Variants in CYP27A1 observed in about 807,000 individuals in gnomAD.
The protein encoded by CYP27A1 is cytochrome P450 family 27 subfamily A member 1.
Under a neutral mutation model 58.2 loss-of-function variants are expected in CYP27A1, and 46 were observed. The observed-to-expected ratio is 0.79, with a 90% CI of 0.62 to 1.01. The LOEUF is 1.01. CYP27A1 is among the 50% of genes least tolerant of loss of function. CYP27A1 has a pLI of 0.00. For synonymous variants in CYP27A1, 274 were observed against 285.1 expected, an observed-to-expected ratio of 0.96 and a Z score of 0.39; for missense variants, 704 against 687.0, an observed-to-expected ratio of 1.02 and a Z score of -0.28.
chr2:218,786,819 G>C (rs147486275), intron 1 of CYP27A1, among the ~76,000 whole-genome samples: 5 of 151,064 alleles, frequency 3.3e-5, no homozygotes, highest in African/African-American at 1.2e-4. Flanking sequence ...TTTTGAGACA[G>C]TGTCTCACTC....
Position 218,812,619 on chromosome 2 carries a change from G to A in CYP27A1, c.714G>A (p.Val238=). The change falls in exon 4 of 9, where the codon GTG becomes GTA. Residue 238 remains valine, a synonymous_variant. Coordinates refer to ENST00000258415, the MANE Select transcript of CYP27A1 (RefSeq NM_000784.4). ...AGCGATCCATCCCCGAGGACACCGT[G>A]ACCTTCGTCAGATCCATCGGGTTAA... ...CLQRSIPEDT[V]TFVRSIGLMF... is the part of the protein sequence containing the mutation. The A allele has an allele frequency of 6.2e-7, 1 of 1,614,230 alleles. No homozygotes were observed. The highest frequency in any genetic ancestry group is 8.5e-7 in the Non-Finnish European group (1 of 1,180,044).
At chr2:218,791,931 G>C in intron 1 of CYP27A1, among the ~76,000 whole-genome samples, 1 of 152,090 alleles carries the variant, frequency 6.6e-6, no homozygotes, top group East Asian at 1.9e-4. Context: ...ACAATAGAAT[G>C]AAATCCCTCT....
In CYP27A1 at chr2:218,809,437, ATG is replaced by A. The variant is rs1559391295; in HGVS notation, c.256-139_256-138del. ...CATCCTGGTGCCTACATCATACACA[ATG>A]CCCTTTTTTTTTTTTTTTTTTTTTT... On this transcript the variant is annotated intron_variant, in intron 1 of 8. Transcript: ENST00000258415. The A allele has an allele frequency of 2.8e-4, 195 of 688,338 alleles. 12 individuals carry two copies. In the African/African-American group the frequency reaches 4.9e-3, roughly 17 times the overall value. 42.6% of individuals were successfully genotyped at this position (688,338 alleles called of 1,614,324 possible).
Position 218,782,445 on chromosome 2 carries a change from G to C in CYP27A1, c.255+8G>C. The C allele has an allele frequency of 6.2e-7, 1 of 1,614,148 alleles. No homozygotes were observed. The highest frequency in any genetic ancestry group is 8.5e-7 in the Non-Finnish European group (1 of 1,180,008). Reference sequence around the variant, plus strand: ...CAACTGCACCAGTTACAGGTAACCCGCGGGGGCATCGCGTCCTGGGGATGG... The same window carrying C: ...CAACTGCACCAGTTACAGGTAACCCCCGGGGGCATCGCGTCCTGGGGATGG... On this transcript the variant is annotated splice_region_variant and intron_variant, in intron 1 of 8. Coordinates refer to ENST00000258415, the MANE Select transcript of CYP27A1 (RefSeq NM_000784.4). The surrounding 1 kb of genome is among the most constrained non-coding windows in gnomAD (Gnocchi z 4.1).
chr2:218,803,721 T>G, intron 1 of CYP27A1, among the ~76,000 whole-genome samples: 1 of 79,268 alleles, frequency 1.3e-5, no homozygotes, highest in East Asian at 3.0e-4. Flanking sequence ...CGTGCCCCCG[T>G]CTTTTTTTTT....
At chr2:218,809,233 A>G (rs1943683153) in intron 1 of CYP27A1, among the ~76,000 whole-genome samples, 1 of 152,066 alleles carries the variant, frequency 6.6e-6, no homozygotes, top group Non-Finnish European at 1.5e-5. Context: ...GTTTCCCTCA[A>G]ATGCTGGCCT....
In CYP27A1 at chr2:218,788,616, G is replaced by A. The variant is rs373184354; in HGVS notation, c.255+6179G>A. ...GACCCAGAACTAAAGGAGTAGAATC[G>A]TATGGAAGAAAATTCCATCTAGGCC... On this transcript the variant is annotated intron_variant, in intron 1 of 8. Coordinates refer to ENST00000258415, the MANE Select transcript of CYP27A1 (RefSeq NM_000784.4). Among the ~76,000 whole-genome samples, 206 of 152,266 alleles carry A rather than the reference G, an allele frequency of 1.4e-3. 6 individuals carry two copies. In the South Asian group the frequency reaches 0.041, roughly 30 times the overall value.
At chr2:218,803,721 TC>T (rs1315770617) in intron 1 of CYP27A1, among the ~76,000 whole-genome samples, 6 of 79,212 alleles carry the variant, frequency 7.6e-5, no homozygotes, top group Non-Finnish European at 1.4e-4. Flanking sequence ...CGTGCCCCCG[TC>T]TTTTTTTTTT....
intron 1 of CYP27A1, among the ~76,000 whole-genome samples, chr2:218,797,300 C>A (rs2105974267): frequency 6.6e-6 from 1 of 152,226 alleles, no homozygotes; most frequent in South Asian, 2.1e-4. Flanking sequence ...GGGGTTTCAC[C>A]ATGTTGGCCA....
chr2:218,806,207 A>T (rs1943649314), intron 1 of CYP27A1, among the ~76,000 whole-genome samples: 1 of 152,252 alleles, frequency 6.6e-6, no homozygotes, highest in South Asian at 2.1e-4. Flanking sequence ...AGTTTACTTC[A>T]ACTTAACAGA....
chr2:218,809,512 A>C, intron 1 of CYP27A1, 65 bp from the exon 2 acceptor site: 2 of 1,344,506 alleles, frequency 1.5e-6, no homozygotes, highest in Non-Finnish European at 2.1e-6. Context: ...TCCTCACCTC[A>C]TCTCCTGTCC....
At chr2:218,783,899 AG>A (rs1943418221) in intron 1 of CYP27A1, among the ~76,000 whole-genome samples, 1 of 152,148 alleles carries the variant, frequency 6.6e-6, no homozygotes, top group African/African-American at 2.4e-5. Context: ...GATCAAGATA[AG>A]GGCCCTGGTT....
chr2:218,794,862 G>C (rs1401864420), intron 1 of CYP27A1, among the ~76,000 whole-genome samples: 1 of 152,184 alleles, frequency 6.6e-6, no homozygotes, highest in Non-Finnish European at 1.5e-5. Flanking sequence ...TACTCATCTA[G>C]AAAAGAGAGG....
intron 1 of CYP27A1, among the ~76,000 whole-genome samples, chr2:218,785,504 G>T (rs1226735536): frequency 6.6e-6 from 1 of 151,978 alleles, no homozygotes; most frequent in African/African-American, 2.4e-5. Flanking sequence ...TGCCTCAAGG[G>T]TGAGAACTAA....
chr2:218,792,252 A>G (rs979754400), intron 1 of CYP27A1, among the ~76,000 whole-genome samples: 1 of 152,230 alleles, frequency 6.6e-6, no homozygotes, highest in Non-Finnish European at 1.5e-5. Context: ...TGTTTCTCCA[A>G]TTTAGGTGCA....
Position 218,812,695 on chromosome 2 carries a change from G to T in CYP27A1, c.790G>T (p.Val264Leu), listed in dbSNP as rs201500822. Reference protein sequence around the residue: ...ATFLPKWTRPVLPFWKRYLDG... With the variant: ...ATFLPKWTRPLLPFWKRYLDG... ...CTTCCTCCCCAAGTGGACTCGCCCC[G>T]TGCTGCCTTTCTGGAAGCGATACCT... Residue 264 changes from valine to leucine, a missense_variant, in exon 4 of 9, where the codon GTG (valine) becomes TTG (leucine). Transcript: ENST00000258415. 2 of 1,614,168 alleles carry T rather than the reference G, an allele frequency of 1.2e-6. No individual in the cohort carries two copies. Among genetic ancestry groups the T allele is most frequent in the East Asian group, 4.5e-5 (2 of 44,890 alleles).
Position 218,809,657 on chromosome 2 carries a change from G to A in CYP27A1, c.336G>A (p.Pro112=), listed in dbSNP as rs1413155008. 1.2e-6 allele frequency: 2 copies of A among 1,614,100 alleles called. No individual in the cohort carries two copies. Among genetic ancestry groups the A allele is most frequent in the East Asian group, 4.5e-5 (2 of 44,882 alleles). Reference sequence around the variant, plus strand: ...TGCACGTGAACCTGGCCAGTGCCCCGCTCTTGGAGCAAGTGATGCGGCAAG... The same window carrying A: ...TGCACGTGAACCTGGCCAGTGCCCCACTCTTGGAGCAAGTGATGCGGCAAG... ...PQMHVNLASA[P]LLEQVMRQEG... The change falls in exon 2 of 9, where the codon CCG becomes CCA. Residue 112 remains proline, a synonymous_variant. Coordinates refer to ENST00000258415, the MANE Select transcript of CYP27A1 (RefSeq NM_000784.4).
chr2:218,805,681 G>C (rs1367351961), intron 1 of CYP27A1, among the ~76,000 whole-genome samples: 5 of 152,056 alleles, frequency 3.3e-5, no homozygotes, highest in African/African-American at 1.2e-4. Flanking sequence ...GTTTTGTCAG[G>C]TGGGGGCTAA....
intron 4 of CYP27A1, 43 bp from the exon 5 acceptor site, chr2:218,812,881 G>A (rs1943738838): frequency 6.2e-7 from 1 of 1,613,562 alleles, no homozygotes; most frequent in African/African-American, 1.3e-5. Flanking sequence ...TGGAGATCAT[G>A]ACTTTTGGCT....
Sources: gnomAD v4.1 joint callset for allele counts (sites outside exome capture counted in the v4.1 genomes callset) on GRCh38, gnomAD v4.1.1 for gene constraint, Gnocchi (gnomAD v3.1) non-coding constraint, MANE v1.5 for transcripts, NCBI Gene and HGNC (gene_info 2026-07-23, HGNC 2026-07-21) for gene names.